The following DAB1 variants were observed in gnomAD, a reference collection of about 807,000 sequenced individuals.
DAB1 encodes the protein disabled homolog 1.
In DAB1, 15 loss-of-function variants were observed where a neutral mutation model predicts 64.6. That is an observed-to-expected ratio of 0.23 (90% CI 0.16 to 0.36). The LOEUF (loss-of-function observed/expected upper bound fraction) is 0.36, where lower values mean the gene tolerates loss of function less well. Among genes scored for constraint, DAB1 ranks in the 10% least tolerant of loss-of-function variants. DAB1 has a pLI of 1.00. For missense variants in DAB1, 596 were observed against 706.7 expected (o/e 0.84, Z 1.78); for synonymous variants, 235 against 251.9 (o/e 0.93, Z 0.64).
At chr1:57,882,350 G>A (rs777607109) in intron 1 of DAB1, among the ~76,000 whole-genome samples, 6 of 152,180 alleles carry the variant, frequency 3.9e-5, no homozygotes, top group Non-Finnish European at 4.4e-5. Flanking sequence ...GAACATCAGA[G>A]AAGAATGAAA....
intron 7 of DAB1, among the ~76,000 whole-genome samples, chr1:57,556,144 TATAC>T (rs544854470): frequency 3.9e-4 from 60 of 152,330 alleles, no homozygotes; most frequent in African/African-American, 1.4e-3. Flanking sequence ...TTCTATGGTA[TATAC>T]ATACCACGTT....
intron 2 of DAB1, among the ~76,000 whole-genome samples, chr1:57,236,568 C>T (rs1668101312): frequency 6.6e-6 from 1 of 152,154 alleles, no homozygotes; most frequent in Non-Finnish European, 1.5e-5. Context: ...ATACCAGTAA[C>T]ATTAATGGGA....
intron 5 of DAB1, among the ~76,000 whole-genome samples, chr1:58,078,497 G>GT (rs1410837666): frequency 4.6e-5 from 7 of 152,168 alleles, no homozygotes; most frequent in South Asian, 2.1e-4. Flanking sequence ...AAGTTAAAGA[G>GT]TTTTTTTACC....
rs575859098 is a variant in DAB1, at chr1:57,625,524, G to A, written n.625+24068C>T. On this transcript the variant is annotated intron_variant and non_coding_transcript_variant, in intron 7 of 20. Coordinates refer to the DAB1 transcript ENST00000485760. The stretch of plus-strand genomic sequence containing the variant: ...AGTGGAAGTATTACACTGGCAATCA[G>A]CACCCACTCTGGCAAAACAGTGTTT... Among the ~76,000 whole-genome samples, 5 of 152,264 alleles carry A rather than the reference G, an allele frequency of 3.3e-5. No homozygotes were observed. The South Asian group carries it at 8.3e-4, about 25-fold the overall frequency.
Position 57,796,878 on chromosome 1 carries a change from G to T in DAB1, n.551+87121C>A, listed in dbSNP as rs549543173. 2.6e-5 allele frequency among the ~76,000 whole-genome samples: 4 copies of T among 152,254 alleles called. No individual in the cohort carries two copies. In the South Asian group the frequency reaches 8.3e-4, roughly 32 times the overall value. On this transcript the variant is annotated intron_variant and non_coding_transcript_variant, in intron 6 of 20. Coordinates refer to the DAB1 transcript ENST00000485760. Reference sequence around the variant, plus strand: ...GATCCCCACATCTGCGTCATATCCTGCATCCGGTTCACTGACCAGTCATTT... The same window carrying T: ...GATCCCCACATCTGCGTCATATCCTTCATCCGGTTCACTGACCAGTCATTT...
chr1:57,274,661 A>C lies in DAB1; in HGVS notation c.67+16303T>G, dbSNP rs551279575. On this transcript the variant is annotated intron_variant, in intron 2 of 14. Transcript: ENST00000371236. The stretch of plus-strand genomic sequence containing the variant: ...AGCTGCGCCATCTCAGCTCACCGCA[A>C]CCTCTGCCTCCTGGGCTCAAGCGAT... Among the ~76,000 whole-genome samples the C allele has an allele frequency of 2.0e-3, 309 of 152,164 alleles. 2 individuals are homozygous for C. The highest frequency in any genetic ancestry group is 6.9e-3 in the African/African-American group (286 of 41,536).
intron 7 of DAB1, among the ~76,000 whole-genome samples, chr1:57,613,523 T>G (rs1381687813): frequency 6.6e-6 from 1 of 152,176 alleles, no homozygotes; most frequent in East Asian, 1.9e-4. Context: ...AAGTAACCAA[T>G]TTATGTACTC....
intron 4 of DAB1, among the ~76,000 whole-genome samples, chr1:58,173,634 A>G (rs1410520958): frequency 6.6e-6 from 1 of 152,200 alleles, no homozygotes; most frequent in Non-Finnish European, 1.5e-5. Context: ...CACCGGAGCT[A>G]CCTTGGCAAG....
intron 9 of DAB1, among the ~76,000 whole-genome samples, chr1:57,057,695 C>CAT: frequency 6.6e-6 from 1 of 151,102 alleles, no homozygotes; most frequent in Non-Finnish European, 1.5e-5. Context: ...GCAAGCTCTG[C>CAT]CTCCCGGGTT....
At chr1:58,492,412 G>C (rs112716574) in intron 3 of DAB1, among the ~76,000 whole-genome samples, 3 of 149,764 alleles carry the variant, frequency 2.0e-5, no homozygotes, top group Non-Finnish European at 4.5e-5. Flanking sequence ...AAATAACTAA[G>C]ATCAGAGCAG....
intron 5 of DAB1, among the ~76,000 whole-genome samples, chr1:58,020,122 A>G (rs1570236472): frequency 6.6e-6 from 1 of 152,210 alleles, no homozygotes; most frequent in African/African-American, 2.4e-5. Context: ...ATTCTGCATT[A>G]AGACTTCTGT....
At chr1:58,480,851 T>C in intron 3 of DAB1, 1 of 655,568 alleles carries the variant, frequency 1.5e-6, no homozygotes, top group Non-Finnish European at 2.6e-6. Flanking sequence ...ATGTACATGA[T>C]TTGACCCTGA....
chr1:57,206,345 T>C (rs570540588), intron 2 of DAB1, among the ~76,000 whole-genome samples: 1 of 152,282 alleles, frequency 6.6e-6, no homozygotes, highest in Non-Finnish European at 1.5e-5. Context: ...CACTTGGCAG[T>C]CAAAAGATTT....
At chr1:57,586,118 A>G (rs564139305) in intron 7 of DAB1, among the ~76,000 whole-genome samples, 40 of 152,288 alleles carry the variant, frequency 2.6e-4, no homozygotes, top group African/African-American at 8.4e-4. Flanking sequence ...TAGTGGGGGA[A>G]AAAAAGCAAA....
intron 1 of DAB1, among the ~76,000 whole-genome samples, chr1:57,410,244 T>C (rs1286393121): frequency 2.6e-5 from 4 of 152,230 alleles, no homozygotes; most frequent in Admixed American, 2.6e-4. Flanking sequence ...ACAGGGGCAC[T>C]TCCCCCTCTA....
chr1:57,028,928 A>T (rs1258616091), intron 9 of DAB1, among the ~76,000 whole-genome samples: 1 of 152,212 alleles, frequency 6.6e-6, no homozygotes, highest in Non-Finnish European at 1.5e-5. Flanking sequence ...GATAGAAAAA[A>T]AAAATTTCTG....
intron 5 of DAB1, among the ~76,000 whole-genome samples, chr1:57,922,947 C>A (rs2102025463): frequency 6.8e-6 from 1 of 147,286 alleles, no homozygotes; most frequent in African/African-American, 2.5e-5. Context: ...CTATTCCTTT[C>A]TTCTCTTCCT....
At chr1:57,194,706 T>C (rs1664473672) in intron 2 of DAB1, among the ~76,000 whole-genome samples, 1 of 152,162 alleles carries the variant, frequency 6.6e-6, no homozygotes, top group Non-Finnish European at 1.5e-5. Context: ...TGAAACCCAC[T>C]AGCCTGAGTG....
chr1:58,235,958 G>A (rs975021598), intron 4 of DAB1, among the ~76,000 whole-genome samples: 1 of 152,194 alleles, frequency 6.6e-6, no homozygotes, highest in Non-Finnish European at 1.5e-5. Flanking sequence ...CAGGAGGCAT[G>A]CTTCCACAAG....
Sources: allele counts gnomAD v4.1 joint callset (sites outside exome capture counted in the v4.1 genomes callset), GRCh38; gene constraint gnomAD v4.1.1; transcripts MANE v1.5; gene names NCBI Gene and HGNC (gene_info 2026-07-23, HGNC 2026-07-21).